UBE2E2: variants seen among roughly 807,000 people sequenced by gnomAD.
UBE2E2 encodes ubiquitin-conjugating enzyme E2 E2.
In UBE2E2, 6 loss-of-function variants were observed where a neutral mutation model predicts 24.7. That is an observed-to-expected ratio of 0.24 (90% CI 0.13 to 0.48). The LOEUF is 0.48. Ranked by LOEUF, UBE2E2 falls within the 20% of genes least tolerant of loss-of-function variation. UBE2E2 has a pLI of 0.99. For missense variants in UBE2E2, 169 were observed against 245.0 expected, an observed-to-expected ratio of 0.69 and a Z score of 2.07; for synonymous variants, 104 against 83.6, an observed-to-expected ratio of 1.24 and a Z score of -1.33.
intron 3 of UBE2E2, among the ~76,000 whole-genome samples, chr3:23,369,749 G>A (rs1696350901): frequency 6.6e-6 from 1 of 152,144 alleles, no homozygotes; most frequent in South Asian, 2.1e-4. Context: ...TACTTCAGCA[G>A]TCATATACAG....
intron 3 of UBE2E2, among the ~76,000 whole-genome samples, chr3:23,352,936 G>C (rs561575786): frequency 6.6e-6 from 1 of 152,106 alleles, no homozygotes; most frequent in African/African-American, 2.4e-5. Context: ...AACCAAAAAG[G>C]AGAATTTTAG....
chr3:23,246,119 G>A (rs937744784), intron 3 of UBE2E2, among the ~76,000 whole-genome samples: 3 of 151,904 alleles, frequency 2.0e-5, no homozygotes, highest in East Asian at 1.9e-4. Flanking sequence ...ATCATGGCTC[G>A]CCGAAGCCTC....
intron 5 of UBE2E2, among the ~76,000 whole-genome samples, chr3:23,578,099 GA>G (rs1458462401): frequency 6.8e-6 from 1 of 146,460 alleles, no homozygotes; most frequent in Non-Finnish European, 1.5e-5. Flanking sequence ...AAATTTACAA[GA>G]AAAAAAATTT....
chr3:23,521,791 A>G (rs547994982), intron 4 of UBE2E2, among the ~76,000 whole-genome samples: 153 of 152,224 alleles, frequency 1.0e-3, no homozygotes, highest in Middle Eastern at 3.4e-3. Flanking sequence ...TCTTCTTCCA[A>G]TGTAGCCCAG....
intron 3 of UBE2E2, among the ~76,000 whole-genome samples, chr3:23,458,303 G>A (rs1254645275): frequency 6.7e-6 from 1 of 149,204 alleles, no homozygotes; most frequent in South Asian, 2.1e-4. Context: ...AACATGTATC[G>A]AGAGTTTGCC....
chr3:23,221,476 G>A lies in UBE2E2; in HGVS notation c.227+4164G>A, dbSNP rs529077499. ...TTTTCCCCCAGCTCTTTCACCACCA[G>A]CCCTCGGCAGCAATTAGTCTACTTT... On this transcript the variant is annotated intron_variant, in intron 3 of 5. Coordinates refer to ENST00000396703, the MANE Select transcript of UBE2E2 (RefSeq NM_152653.4). 2.0e-5 allele frequency among the ~76,000 whole-genome samples: 3 copies of A among 152,104 alleles called. No individual in the cohort carries two copies. In the South Asian group the frequency reaches 6.2e-4, roughly 32 times the overall value.
intron 3 of UBE2E2, among the ~76,000 whole-genome samples, chr3:23,446,498 A>T (rs1251161852): frequency 6.6e-6 from 1 of 152,138 alleles, no homozygotes; most frequent in Non-Finnish European, 1.5e-5. Flanking sequence ...AAGAGTTAAC[A>T]TTGCCCTGGG....
intron 3 of UBE2E2, among the ~76,000 whole-genome samples, chr3:23,369,702 T>C (rs1414029944): frequency 6.6e-6 from 1 of 151,494 alleles, no homozygotes; most frequent in South Asian, 2.1e-4. Flanking sequence ...ATTTTTGTCT[T>C]GTGTTAGAGG....
intron 3 of UBE2E2, among the ~76,000 whole-genome samples, chr3:23,458,532 C>G (rs1223562621): frequency 6.6e-6 from 1 of 152,078 alleles, no homozygotes; most frequent in Non-Finnish European, 1.5e-5. Flanking sequence ...ATGCTCCTGC[C>G]TCAGCCTCCC....
rs367551032 is a variant in UBE2E2, at chr3:23,351,488, C to A, written c.227+134176C>A. On this transcript the variant is annotated intron_variant, in intron 3 of 5. Transcript: ENST00000396703. ...CATCAGTGTGCTGTATTCAGGAAAC[C>A]CATCTCATGGGCACAGACACACACA... Among the ~76,000 whole-genome samples, 6 of 152,232 alleles carry A rather than the reference C, an allele frequency of 3.9e-5. No homozygotes were observed. The South Asian group carries it at 1.2e-3, about 32-fold the overall frequency.
intron 3 of UBE2E2, among the ~76,000 whole-genome samples, chr3:23,403,795 G>A (rs1428370423): frequency 2.9e-5 from 4 of 136,740 alleles, no homozygotes; most frequent in Non-Finnish European, 4.6e-5. Flanking sequence ...GCGACAAAGT[G>A]AGATTCCGTC....
At chr3:23,588,368 CT>C (rs140466518) in intron 5 of UBE2E2, among the ~76,000 whole-genome samples, 3 of 145,666 alleles carry the variant, frequency 2.1e-5, no homozygotes, top group East Asian at 2.0e-4. Flanking sequence ...ACCTAAGTTA[CT>C]TTTTTTTTAA....
At chr3:23,342,478 G>A (rs1170608600) in intron 3 of UBE2E2, among the ~76,000 whole-genome samples, 2 of 152,110 alleles carry the variant, frequency 1.3e-5, no homozygotes, top group South Asian at 2.1e-4. Flanking sequence ...GTTCTCTTCC[G>A]TGCTTATAAA....
chr3:23,224,738 C>T (rs1696770256), intron 3 of UBE2E2, among the ~76,000 whole-genome samples: 1 of 152,108 alleles, frequency 6.6e-6, no homozygotes, highest in Non-Finnish European at 1.5e-5. Context: ...TTTTTCTTCT[C>T]ATCAATTGAT....
intron 3 of UBE2E2, among the ~76,000 whole-genome samples, chr3:23,423,963 T>A (rs1302658554): frequency 6.6e-6 from 1 of 152,158 alleles, no homozygotes; most frequent in Non-Finnish European, 1.5e-5. Flanking sequence ...TTGCCTAGTT[T>A]AGTTACTGAG....
chr3:23,546,073 A>G (rs948406390), intron 5 of UBE2E2, among the ~76,000 whole-genome samples: 2 of 152,218 alleles, frequency 1.3e-5, no homozygotes, highest in African/African-American at 4.8e-5. Context: ...ACTCACGTGT[A>G]GGTATACTAA....
chr3:23,477,371 GGTT>G (rs1485881923), intron 3 of UBE2E2, among the ~76,000 whole-genome samples: 2 of 152,088 alleles, frequency 1.3e-5, no homozygotes, highest in African/African-American at 4.8e-5. Context: ...GTTTTAGGGA[GGTT>G]GTTTTTAAAA....
intron 3 of UBE2E2, among the ~76,000 whole-genome samples, chr3:23,265,769 G>A (rs1398870713): frequency 5.9e-5 from 9 of 152,170 alleles, no homozygotes; most frequent in Non-Finnish European, 7.3e-5. Flanking sequence ...CATTGTTATT[G>A]TGTGGGAGTC....
chr3:23,519,358 A>G (rs1182959173), intron 4 of UBE2E2, among the ~76,000 whole-genome samples: 2 of 152,142 alleles, frequency 1.3e-5, no homozygotes, highest in Non-Finnish European at 2.9e-5. Flanking sequence ...TGCCTGTTAT[A>G]AAACCAACTA....
Sources: gnomAD v4.1 joint callset for allele counts (sites outside exome capture counted in the v4.1 genomes callset) on GRCh38, gnomAD v4.1.1 for gene constraint, MANE v1.5 for transcripts, NCBI Gene and HGNC (gene_info 2026-07-23, HGNC 2026-07-21) for gene names.